The following PAN3 variants were observed in gnomAD, a reference collection of about 807,000 sequenced individuals.
The protein encoded by PAN3 is PAN2-PAN3 deadenylation complex subunit PAN3.
PAN3 carries 19 observed loss-of-function variants against 96.2 expected under a neutral mutation model. The observed-to-expected ratio is 0.20, with a 90% confidence interval of 0.14 to 0.29. The LOEUF (loss-of-function observed/expected upper bound fraction) is 0.29, where lower values mean the gene tolerates loss of function less well. Among genes scored for constraint, PAN3 ranks in the 10% least tolerant of loss-of-function variants. The probability of loss-of-function intolerance (pLI) is 1.00; values close to 1 mark genes in which losing one functional copy is unlikely to be tolerated. For missense variants in PAN3, 882 were observed against 1,108.1 expected, an observed-to-expected ratio of 0.80 and a Z score of 2.90; for synonymous variants, 433 against 406.6, an observed-to-expected ratio of 1.06 and a Z score of -0.78.
At chr13:28,216,033 GA>G in intron 5 of PAN3, 1 of 542,888 alleles carries the variant, frequency 1.8e-6, no homozygotes, top group Non-Finnish European at 3.3e-6. Context: ...AAAACCTTCA[GA>G]AGGAAAGGAG....
chr13:28,159,150 G>A (rs1475738070), intron 1 of PAN3, among the ~76,000 whole-genome samples: 2 of 152,276 alleles, frequency 1.3e-5, no homozygotes, highest in South Asian at 2.1e-4. Flanking sequence ...AAAGACGCAT[G>A]AATATGTTCA....
intron 4 of PAN3, among the ~76,000 whole-genome samples, chr13:28,178,857 C>A (rs1030109237): frequency 2.3e-4 from 35 of 152,070 alleles, no homozygotes; most frequent in Non-Finnish European, 4.9e-4. Flanking sequence ...GTGTTGGCTT[C>A]ACGGTGTATA....
At chr13:28,226,232 AAAT>A (rs1881988712) in intron 6 of PAN3, among the ~76,000 whole-genome samples, 1 of 152,216 alleles carries the variant, frequency 6.6e-6, no homozygotes, top group Non-Finnish European at 1.5e-5. Context: ...TAATTATTAA[AAAT>A]AAAAATTGTA....
chr13:28,187,850 T>A (rs1876691818), intron 4 of PAN3, among the ~76,000 whole-genome samples: 1 of 152,146 alleles, frequency 6.6e-6, no homozygotes, highest in African/African-American at 2.4e-5. Context: ...CATGCCACCA[T>A]GCCCAGCTAA....
chr13:28,180,147 G>GA (rs796519503), intron 4 of PAN3, among the ~76,000 whole-genome samples: 9 of 152,212 alleles, frequency 5.9e-5, no homozygotes, highest in African/African-American at 2.2e-4. Context: ...TCCCATCTGT[G>GA]AAATGAAGAG....
At chr13:28,257,924 C>T (rs1308245262) in intron 7 of PAN3, among the ~76,000 whole-genome samples, 2 of 151,364 alleles carry the variant, frequency 1.3e-5, no homozygotes, top group Non-Finnish European at 2.9e-5. Context: ...GCATTCCTCT[C>T]ACCTCAGCCT....
intron 5 of PAN3, among the ~76,000 whole-genome samples, chr13:28,203,600 C>T (rs1022706224): frequency 5.9e-5 from 9 of 152,122 alleles, no homozygotes; most frequent in African/African-American, 2.2e-4. Flanking sequence ...TGAGCCACCA[C>T]ACTGGGTCTG....
At chr13:28,224,014 G>A (rs1451059314) in intron 6 of PAN3, among the ~76,000 whole-genome samples, 3 of 150,592 alleles carry the variant, frequency 2.0e-5, no homozygotes, top group Non-Finnish European at 3.0e-5. Flanking sequence ...GACTACAGGC[G>A]CCCGCCACCG....
chr13:28,153,496 A>G (rs1871680943), intron 1 of PAN3, among the ~76,000 whole-genome samples: 1 of 151,956 alleles, frequency 6.6e-6, no homozygotes, highest in Non-Finnish European at 1.5e-5. Flanking sequence ...CTTGGCCTCC[A>G]GAAGTGCTGA....
intron 1 of PAN3, among the ~76,000 whole-genome samples, chr13:28,139,514 T>G (rs866773436): frequency 1.9e-3 from 173 of 93,100 alleles, no homozygotes; most frequent in African/African-American, 7.8e-3. Context: ...AGGGGTGTGT[T>G]TGTGTGTGTG....
At chr13:28,257,022 C>T (rs1885202930) in intron 7 of PAN3, among the ~76,000 whole-genome samples, 1 of 152,024 alleles carries the variant, frequency 6.6e-6, no homozygotes, top group South Asian at 2.1e-4. Flanking sequence ...TGATAAGGGG[C>T]CTGCAGTATG....
At chr13:28,184,121 C>T (rs1030501243) in intron 4 of PAN3, among the ~76,000 whole-genome samples, 4 of 152,136 alleles carry the variant, frequency 2.6e-5, no homozygotes, top group African/African-American at 9.7e-5. Context: ...AAACTTCTTC[C>T]TGTTAGCTTC....
chr13:28,233,203 A>G (rs937027535), intron 6 of PAN3, among the ~76,000 whole-genome samples: 7 of 151,950 alleles, frequency 4.6e-5, no homozygotes, highest in African/African-American at 1.7e-4. Flanking sequence ...AACCTCATAT[A>G]GAGGAGAAGG....
chr13:28,282,817 T>C (rs1413119401), intron 17 of PAN3, among the ~76,000 whole-genome samples: 1 of 152,206 alleles, frequency 6.6e-6, no homozygotes, highest in Non-Finnish European at 1.5e-5. Context: ...TTCAGTATTA[T>C]CTGGGAATTC....
At chr13:28,242,690 G>A (rs575171201) in intron 6 of PAN3, among the ~76,000 whole-genome samples, 31 of 152,240 alleles carry the variant, frequency 2.0e-4, no homozygotes, top group African/African-American at 7.2e-4. Context: ...TTTTTGATGT[G>A]TGGGTACATG....
At chr13:28,209,919 T>C (rs1879837423) in intron 5 of PAN3, among the ~76,000 whole-genome samples, 1 of 152,126 alleles carries the variant, frequency 6.6e-6, no homozygotes, top group Admixed American at 6.6e-5. Context: ...TAGCTGGGAC[T>C]ACAGGTGTGT....
chr13:28,144,113 A>G (rs1870236976), intron 1 of PAN3, among the ~76,000 whole-genome samples: 1 of 152,234 alleles, frequency 6.6e-6, no homozygotes, highest in African/African-American at 2.4e-5. Flanking sequence ...AGGAACAACA[A>G]CAGCAACAAA....
chr13:28,211,656 T>C (rs1880047991), intron 5 of PAN3, among the ~76,000 whole-genome samples: 1 of 152,118 alleles, frequency 6.6e-6, no homozygotes, highest in South Asian at 2.1e-4. Flanking sequence ...GTCAAAAAAT[T>C]CCTTAATATT....
chr13:28,238,903 T>C (rs1260045535), intron 6 of PAN3, among the ~76,000 whole-genome samples: 1 of 152,128 alleles, frequency 6.6e-6, no homozygotes, highest in Non-Finnish European at 1.5e-5. Context: ...AGGCTATGCA[T>C]GTTGATTTTT....
Sources: gnomAD v4.1 joint callset for allele counts (sites outside exome capture counted in the v4.1 genomes callset) on GRCh38, gnomAD v4.1.1 for gene constraint, MANE v1.5 for transcripts, NCBI Gene and HGNC (gene_info 2026-07-23, HGNC 2026-07-21) for gene names.